Variants in ADGRL2 observed in about 807,000 individuals in gnomAD.
ADGRL2 encodes the protein adhesion G protein-coupled receptor L2.
Under a neutral mutation model 157.4 loss-of-function variants are expected in ADGRL2, and 44 were observed. That is an observed-to-expected ratio of 0.28 (90% CI 0.22 to 0.36). The LOEUF is 0.36. ADGRL2 is among the 10% of genes least tolerant of loss of function. The pLI, the probability that ADGRL2 is intolerant of heterozygous loss-of-function variation, is 1.00. For missense variants in ADGRL2, 1,510 were observed against 1,768.9 expected (o/e 0.85, Z 2.63); for synonymous variants, 585 against 624.7 (o/e 0.94, Z 0.95).
intron 1 of ADGRL2, among the ~76,000 whole-genome samples, chr1:81,352,807 G>A (rs1209337765): frequency 2.6e-5 from 4 of 152,114 alleles, no homozygotes; most frequent in Non-Finnish European, 5.9e-5. Context: ...AGTAGCAATG[G>A]AATCAAAGGG....
chr1:81,966,630 G>A (rs1657126096), intron 13 of ADGRL2, 21 bp downstream of exon 13: 10 of 1,599,242 alleles, frequency 6.3e-6, no homozygotes, highest in African/African-American at 5.4e-5. Flanking sequence ...GTATGCTAAT[G>A]AAGTAATGGA....
chr1:81,418,413 A>G (rs1028305579), intron 1 of ADGRL2, among the ~76,000 whole-genome samples: 1 of 152,222 alleles, frequency 6.6e-6, no homozygotes, highest in Non-Finnish European at 1.5e-5. Flanking sequence ...AAACAGGAAA[A>G]TAGAAATCTC....
chr1:81,879,148 C>T (rs1052279201), intron 2 of ADGRL2, among the ~76,000 whole-genome samples: 3 of 152,020 alleles, frequency 2.0e-5, no homozygotes, highest in African/African-American at 7.2e-5. Flanking sequence ...AATACTAGGA[C>T]CAGACTGAAA....
At chr1:81,464,476 ACT>A (rs1375747932) in intron 2 of ADGRL2, among the ~76,000 whole-genome samples, 1 of 151,690 alleles carries the variant, frequency 6.6e-6, no homozygotes, top group Non-Finnish European at 1.5e-5. Context: ...AATAATTAAA[ACT>A]CTGTTATTAA....
At chr1:81,772,654 G>A (rs1571161746) in intron 2 of ADGRL2, among the ~76,000 whole-genome samples, 1 of 152,042 alleles carries the variant, frequency 6.6e-6, no homozygotes, top group African/African-American at 2.4e-5. Flanking sequence ...ACTTGAACCC[G>A]GGAGGCAGAG....
At chr1:81,629,228 C>A (rs1022655951) in intron 3 of ADGRL2, among the ~76,000 whole-genome samples, 8 of 152,122 alleles carry the variant, frequency 5.3e-5, no homozygotes, top group African/African-American at 1.9e-4. Flanking sequence ...AAGGTTGAAT[C>A]CTAACAGCCT....
At chr1:81,439,565 C>A (rs767608420) in intron 1 of ADGRL2, among the ~76,000 whole-genome samples, 1 of 152,246 alleles carries the variant, frequency 6.6e-6, no homozygotes, top group Non-Finnish European at 1.5e-5. Flanking sequence ...ATCTGTCTGG[C>A]CACTCTGGGT....
At chr1:81,795,205 C>T (rs2087527980) in intron 2 of ADGRL2, among the ~76,000 whole-genome samples, 1 of 151,824 alleles carries the variant, frequency 6.6e-6, no homozygotes, top group Admixed American at 6.6e-5. Context: ...ATAGGGAGAC[C>T]CCGTCTCTAG....
chr1:81,986,505 TC>T (rs779247973), intron 21 of ADGRL2, among the ~76,000 whole-genome samples: 1 of 152,098 alleles, frequency 6.6e-6, no homozygotes, highest in Non-Finnish European at 1.5e-5. Flanking sequence ...ACCTGTAAAT[TC>T]TGAAAGTTTG....
chr1:81,642,355 G>A (rs1349469766), intron 3 of ADGRL2, among the ~76,000 whole-genome samples: 1 of 151,242 alleles, frequency 6.6e-6, no homozygotes, highest in African/African-American at 2.4e-5. Context: ...AGGAGGCAGA[G>A]GTTGCAGTGA....
At chr1:81,872,737 GCTAT>G (rs1367365861) in intron 2 of ADGRL2, among the ~76,000 whole-genome samples, 1 of 151,930 alleles carries the variant, frequency 6.6e-6, no homozygotes, top group Admixed American at 6.6e-5. Context: ...AGGACACTTA[GCTAT>G]ACATATCTAC....
chr1:81,512,257 T>G (rs1435298764), intron 2 of ADGRL2, among the ~76,000 whole-genome samples: 1 of 145,194 alleles, frequency 6.9e-6, no homozygotes, highest in Non-Finnish European at 1.5e-5. Flanking sequence ...TTTTTCTTTC[T>G]TTCTTACAGG....
chr1:81,852,705 C>T (rs540502241), intron 2 of ADGRL2, among the ~76,000 whole-genome samples: 27 of 151,940 alleles, frequency 1.8e-4, no homozygotes, highest in Admixed American at 3.9e-4. Flanking sequence ...CTGTGTGTCT[C>T]GCTGGCTTAT....
intron 2 of ADGRL2, among the ~76,000 whole-genome samples, chr1:81,881,374 C>T (rs1312654877): frequency 6.6e-6 from 1 of 152,118 alleles, no homozygotes; most frequent in Non-Finnish European, 1.5e-5. Context: ...AACGGGGTTT[C>T]ACCATGTTAG....
At chr1:81,743,111 A>G (rs2085125309) in intron 1 of ADGRL2, among the ~76,000 whole-genome samples, 1 of 152,018 alleles carries the variant, frequency 6.6e-6, no homozygotes, top group Admixed American at 6.6e-5. Context: ...TTAGGGAGAA[A>G]GCTAGCCTTT....
intron 2 of ADGRL2, among the ~76,000 whole-genome samples, chr1:81,772,686 G>A (rs569830111): frequency 3.3e-5 from 5 of 152,142 alleles, no homozygotes; most frequent in East Asian, 1.9e-4. Context: ...CCGAGACTGC[G>A]CTACTGCATT....
intron 1 of ADGRL2, among the ~76,000 whole-genome samples, chr1:81,761,087 C>T (rs1257500253): frequency 2.0e-5 from 3 of 151,702 alleles, no homozygotes; most frequent in African/African-American, 4.8e-5. Context: ...ACAACAAAAA[C>T]AACAAAAACC....
chr1:81,388,743 T>C (rs139478693), intron 1 of ADGRL2, among the ~76,000 whole-genome samples: 186 of 152,266 alleles, frequency 1.2e-3, no homozygotes, highest in African/African-American at 4.0e-3. Flanking sequence ...GACCTATCCC[T>C]GTGAGAAATA....
chr1:81,368,289 T>C (rs560534797), intron 1 of ADGRL2, among the ~76,000 whole-genome samples: 1 of 152,312 alleles, frequency 6.6e-6, no homozygotes, highest in South Asian at 2.1e-4. Flanking sequence ...GTGATGTTGA[T>C]CTTTTTATCA....
Sources: gnomAD v4.1 joint callset for allele counts (sites outside exome capture counted in the v4.1 genomes callset) on GRCh38, gnomAD v4.1.1 for gene constraint, MANE v1.5 for transcripts, NCBI Gene and HGNC (gene_info 2026-07-23, HGNC 2026-07-21) for gene names.